Variants in MASP1 observed in about 807,000 individuals in gnomAD.
MASP1 encodes the protein MBL associated serine protease 1.
A neutral mutation model predicts 77.1 loss-of-function variants in MASP1; 59 were observed. The observed-to-expected ratio is 0.77, with a 90% confidence interval of 0.62 to 0.95. MASP1 has a LOEUF of 0.95. MASP1 is among the 40% of genes least tolerant of loss of function. The pLI, the probability that MASP1 is intolerant of heterozygous loss-of-function variation, is 0.00. For synonymous variants in MASP1, 362 were observed against 354.5 expected (o/e 1.02, Z -0.24); for missense variants, 885 against 912.9 (o/e 0.97, Z 0.39).
At chr3:187,278,381 T>C (rs1381467933) in intron 2 of MASP1, among the ~76,000 whole-genome samples, 2 of 150,246 alleles carry the variant, frequency 1.3e-5, no homozygotes, top group Non-Finnish European at 3.0e-5. Flanking sequence ...TCCTTTCAAC[T>C]GATGACAAAA....
At position 187,289,838 on chromosome 3, in the gene MASP1, G is replaced by A. The variant is rs1245963976; in HGVS notation, c.5+1790C>T. Among the ~76,000 whole-genome samples the A allele has an allele frequency of 2.6e-5, 4 of 152,168 alleles. No homozygotes were observed. In the East Asian group the frequency reaches 7.7e-4, roughly 29 times the overall value. ...TGTGGTTTGGGCAAGTTGCTTAACTGCTTTTATACCCACTACTTATCCATA... is the reference window on the plus strand; with the variant it reads ...TGTGGTTTGGGCAAGTTGCTTAACTACTTTTATACCCACTACTTATCCATA... On this transcript the variant is annotated intron_variant, in intron 1 of 10. Coordinates refer to ENST00000296280, the MANE Select transcript of MASP1 (RefSeq NM_139125.4).
rs752788367 is a variant in MASP1, at chr3:187,250,356, G to A, written c.1012-27C>T. ...TGGGAAGAGACAGGAAGAAGGGAGT[G>A]GGAAGAAGGAGGTGGGGGTGGTGTC... On this transcript the variant is annotated intron_variant, in intron 7 of 10. Coordinates refer to ENST00000296280, the MANE Select transcript of MASP1 (RefSeq NM_139125.4). 1.9e-6 allele frequency: 3 copies of A among 1,558,974 alleles called. No homozygotes were observed. The East Asian group carries it at 6.7e-5, about 35-fold the overall frequency.
At chr3:187,220,703 A>C (rs1465517556) in intron 15 of MASP1, among the ~76,000 whole-genome samples, 4 of 151,924 alleles carry the variant, frequency 2.6e-5, no homozygotes, top group Non-Finnish European at 5.9e-5. Flanking sequence ...TCGCCATGTT[A>C]GCAAGACTGG....
intron 2 of MASP1, among the ~76,000 whole-genome samples, chr3:187,274,486 C>A (rs1716793044): frequency 6.6e-6 from 1 of 152,086 alleles, no homozygotes; most frequent in African/African-American, 2.4e-5. Context: ...AAGCCACCTG[C>A]CAGAGCAAAG....
chr3:187,218,325 T>C (rs550802276), exon 16 of MASP1: 7 of 152,592 alleles, frequency 4.6e-5, no homozygotes, highest in Non-Finnish European at 1.0e-4. Flanking sequence ...GCCTGGGATG[T>C]TGGGGTGTGC....
At chr3:187,220,980 C>G (rs1712025341) in intron 15 of MASP1, 1 of 1,476,852 alleles carries the variant, frequency 6.8e-7, no homozygotes, top group Non-Finnish European at 9.5e-7. Flanking sequence ...CTTGCTGGCT[C>G]TGCACCACTC....
intron 8 of MASP1, 175 bp from the exon 9 acceptor site, chr3:187,243,796 T>G (rs72549257): frequency 0.032 from 23,499 of 743,624 alleles, 566 homozygotes; most frequent in Non-Finnish European, 0.04. Flanking sequence ...CCTGTGAAGC[T>G]ACCCATGGTC....
Position 187,220,232 on chromosome 3 carries a change from C to A in MASP1, c.1939G>T (p.Gly647Ter). Residue 647 changes from glycine (G) to a stop codon, truncating the protein, a stop_gained, in exon 16 of 16, where the codon GGA (glycine) becomes TGA (stop). Transcript: ENST00000337774. LOFTEE classifies it high-confidence loss of function. ...CTATTCAGGGTCACCATGGGGCCTC[C>A]AGAGTCACCCGCACAGGCGTCCTTT... The A allele has an allele frequency of 6.2e-7, 1 of 1,614,180 alleles. No homozygotes were observed. The highest frequency in any genetic ancestry group is 1.3e-5 in the African/African-American group (1 of 75,036).
rs1716042646 is a variant in MASP1 at position 187,266,601 on chromosome 3, T to A, written c.238-3881A>T. On this transcript the variant is annotated intron_variant, in intron 2 of 10. Transcript: ENST00000296280. ...GATGGAGGGTAGGGGGTGGGTAGAG[T>A]ATGTAGGGAGAGGAAATAGTGAAGG... Among the ~76,000 whole-genome samples the A allele has an allele frequency of 1.3e-5, 2 of 150,982 alleles. 1 individual carries two copies. Among genetic ancestry groups the A allele is most frequent in the South Asian group, 4.2e-4 (2 of 4,756 alleles).
chr3:187,226,597 A>G (rs1280333136), intron 11 of MASP1: 2 of 1,003,068 alleles, frequency 2.0e-6, no homozygotes, highest in Non-Finnish European at 3.1e-6. Flanking sequence ...GAGGATCTTC[A>G]GGCTACTCCA....
At position 187,241,493 on chromosome 3, in the gene MASP1, T is replaced by C. The variant is rs779705171; in HGVS notation, c.1291A>G (p.Thr431Ala). 3.5e-5 allele frequency: 57 copies of C among 1,613,618 alleles called. No individual in the cohort carries two copies. The highest frequency in any genetic ancestry group is 1.6e-4 in the Middle Eastern group (1 of 6,084). The change falls in exon 10 of 11, where the codon ACC becomes GCC. Residue 431 changes from threonine (T) to alanine (A), a missense_variant. Thr to Ala is a moderately conservative substitution (Grantham distance 58). Transcript: ENST00000296280. ...GAGGGTGAGGTACCTGGAAGGCAGG[T>C]GGGTAGGCTTCTCCCCAATACTTTA... ...MNKVLGRSLP[T>A]CLPECGQPSR...
chr3:187,223,966 C>G (rs1385564452), intron 13 of MASP1, among the ~76,000 whole-genome samples: 3 of 152,128 alleles, frequency 2.0e-5, no homozygotes, highest in Admixed American at 2.0e-4. Context: ...TTGCATGGTT[C>G]GTAAATAAGT....
chr3:187,282,120 C>A (rs1441378498), intron 2 of MASP1, among the ~76,000 whole-genome samples: 1 of 152,094 alleles, frequency 6.6e-6, no homozygotes, highest in East Asian at 1.9e-4. Flanking sequence ...TTCAGGGTAA[C>A]CAAGAAGGAT....
intron 2 of MASP1, among the ~76,000 whole-genome samples, chr3:187,280,457 C>A (rs772280911): frequency 6.6e-6 from 1 of 152,184 alleles, no homozygotes; most frequent in Non-Finnish European, 1.5e-5. Flanking sequence ...AACGTGTAAT[C>A]TGCTGTTCTC....
exon 16 of MASP1, chr3:187,219,837 G>A: frequency 1.8e-6 from 1 of 567,588 alleles, no homozygotes; most frequent in Non-Finnish European, 3.2e-6. Context: ...GCCCAGCACT[G>A]CAAACTAGTA....
chr3:187,281,936 G>C (rs776552784), intron 2 of MASP1, among the ~76,000 whole-genome samples: 1 of 152,212 alleles, frequency 6.6e-6, no homozygotes, highest in East Asian at 1.9e-4. Context: ...CTAGGGGCTA[G>C]CATTGGCCAG....
At chr3:187,266,539 TGAA>T (rs1172583409) in intron 2 of MASP1, among the ~76,000 whole-genome samples, 4 of 152,060 alleles carry the variant, frequency 2.6e-5, no homozygotes, top group Admixed American at 2.0e-4. Flanking sequence ...AGCTGGAGAC[TGAA>T]ACGTGAATAG....
At chr3:187,229,952 C>G, downstream of MASP1, 4 of 1,606,084 alleles carry the variant, frequency 2.5e-6, no homozygotes, top group Non-Finnish European at 2.6e-6. Context: ...CCATCTTGCC[C>G]ACTGCCAGAG....
rs756016647 is a variant in MASP1, at chr3:187,262,691, G to A, written c.267C>T (p.Thr89=). Residue 89 remains threonine (T), a synonymous_variant, in exon 3 of 11, where the codon ACC becomes ACT. Transcript: ENST00000296280. ...TGTCTGTGGTCTCCCTGCCACAGAA[G>A]GTTGCCAGCACCTGGTCCTCAGTTT... ...KVETEDQVLA[T]FCGRETTDTE... 6.8e-6 allele frequency: 11 copies of A among 1,614,136 alleles called. No individual in the cohort carries two copies. Among genetic ancestry groups the A allele is most frequent in the Non-Finnish European group, 9.3e-6 (11 of 1,180,020 alleles).
Sources: gnomAD v4.1 joint callset for allele counts (sites outside exome capture counted in the v4.1 genomes callset) on GRCh38, gnomAD v4.1.1 for gene constraint, MANE v1.5 for transcripts, NCBI Gene and HGNC (gene_info 2026-07-23, HGNC 2026-07-21) for gene names.